Variants in IGFBP5 observed in about 807,000 individuals in gnomAD.
IGFBP5 encodes insulin like growth factor binding protein 5.
IGFBP5 carries 12 observed loss-of-function variants against 28.0 expected under a neutral mutation model. The observed-to-expected ratio is 0.43, with a 90% CI of 0.27 to 0.69. The LOEUF is 0.69. Among genes scored for constraint, IGFBP5 ranks in the 30% least tolerant of loss-of-function variants. The pLI, the probability that IGFBP5 is intolerant of heterozygous loss-of-function variation, is 0.20. For synonymous variants in IGFBP5, 152 were observed against 150.2 expected, an observed-to-expected ratio of 1.01 and a Z score of -0.09; for missense variants, 344 against 381.6, an observed-to-expected ratio of 0.90 and a Z score of 0.82.
chr2:216,691,960 A>G lies in IGFBP5; in HGVS notation c.337+2479T>C, dbSNP rs111705753. ...CGGGGGTGGGGGAGAGGAGGGAGGT[A>G]GGAGGTGTGTTGGGAAGCAGGAATT... On this transcript the variant is annotated intron_variant, in intron 1 of 3. Coordinates refer to ENST00000233813, the MANE Select transcript of IGFBP5 (RefSeq NM_000599.4). Among the ~76,000 whole-genome samples, 226 of 148,224 alleles carry G rather than the reference A, an allele frequency of 1.5e-3. 1 individual carries two copies. The highest frequency in any genetic ancestry group is 5.2e-3 in the African/African-American group (210 of 40,026).
At chr2:216,676,954 T>C (rs1688908297) in intron 3 of IGFBP5, 72 bp from the exon 4 acceptor site, 1 of 1,544,218 alleles carries the variant, frequency 6.5e-7, no homozygotes, top group South Asian at 1.2e-5. Flanking sequence ...GCCCTGCCTC[T>C]TGTCTACCCC....
chr2:216,679,292 G>A lies in IGFBP5; in HGVS notation c.338-213C>T, dbSNP rs1312047088. The stretch of plus-strand genomic sequence containing the variant: ...GCAGGAAGTTTCTGGCATGCTTGGA[G>A]TCAAGCAGAGAGTGCAGGCAGGGAG... On this transcript the variant is annotated intron_variant, in intron 1 of 3. Coordinates refer to ENST00000233813, the MANE Select transcript of IGFBP5 (RefSeq NM_000599.4). This position sits in a 1 kb window ranked among gnomAD's most constrained non-coding sequence, Gnocchi z 4.6. 1.7e-5 allele frequency: 10 copies of A among 604,626 alleles called. No homozygotes were observed. The highest frequency in any genetic ancestry group is 2.9e-4 in the Middle Eastern group (1 of 3,410). 37.5% of individuals were successfully genotyped at this position (604,626 alleles called of 1,614,324 possible). A position where few individuals can be genotyped will look rare whatever the true frequency, so the allele number is the denominator to read the frequency against.
At chr2:216,681,166 G>A (rs1201422264) in intron 1 of IGFBP5, among the ~76,000 whole-genome samples, 1 of 152,284 alleles carries the variant, frequency 6.6e-6, no homozygotes, top group Non-Finnish European at 1.5e-5. Flanking sequence ...AGTAGGGAGA[G>A]GGAGTGCTAA....
intron 1 of IGFBP5, among the ~76,000 whole-genome samples, chr2:216,687,924 A>G (rs1177873462): frequency 6.6e-6 from 1 of 152,164 alleles, no homozygotes; most frequent in Non-Finnish European, 1.5e-5. Context: ...TAGGGACCAA[A>G]CAAGGGAGCC....
chr2:216,694,771 A>C lies in IGFBP5; in HGVS notation c.5T>G (p.Val2Gly). Reference protein sequence around the residue: MVLLTAVLLLLA... With the variant: MGLLTAVLLLLA... Reference sequence around the variant, plus strand: ...CAGCAGGAGGACCGCGGTGAGCAACACCATCTTCTCTTAGTCGCCCCCTTT... The same window carrying C: ...CAGCAGGAGGACCGCGGTGAGCAACCCCATCTTCTCTTAGTCGCCCCCTTT... The change falls in exon 1 of 4, where the codon GTG becomes GGG. Residue 2 changes from valine (V) to glycine (G), a missense_variant. Coordinates refer to ENST00000233813, the MANE Select transcript of IGFBP5 (RefSeq NM_000599.4). This position sits in a 1 kb window ranked among gnomAD's most constrained non-coding sequence, Gnocchi z 5.2. 2 of 1,409,810 alleles carry C rather than the reference A, an allele frequency of 1.4e-6. No individual in the cohort carries two copies. The highest frequency in any genetic ancestry group is 1.8e-6 in the Non-Finnish European group (2 of 1,085,572). The allele number at this position is 1,409,810 out of a possible 1,614,324, so 87.3% of individuals were successfully genotyped here. A position where few individuals can be genotyped will look rare whatever the true frequency, so the allele number is the denominator to read the frequency against.
chr2:216,692,480 A>T lies in IGFBP5; in HGVS notation c.337+1959T>A, dbSNP rs989918034. ...ACACCCTTCACACTAGCCACATCACACTACACGCTTGGTAAATAATAAGTG... is the reference window on the plus strand; with the variant it reads ...ACACCCTTCACACTAGCCACATCACTCTACACGCTTGGTAAATAATAAGTG... On this transcript the variant is annotated intron_variant, in intron 1 of 3. Coordinates refer to ENST00000233813, the MANE Select transcript of IGFBP5 (RefSeq NM_000599.4). This position sits in a 1 kb window ranked among gnomAD's most constrained non-coding sequence, Gnocchi z 4.2. Among the ~76,000 whole-genome samples, 48 of 152,110 alleles carry T rather than the reference A, an allele frequency of 3.2e-4. 1 individual carries two copies. Among genetic ancestry groups the T allele is most frequent in the Admixed American group, 9.2e-4 (14 of 15,292 alleles).
chr2:216,676,930 C>T (rs745566301), intron 3 of IGFBP5, 48 bp from the exon 4 acceptor site: 5 of 1,600,882 alleles, frequency 3.1e-6, no homozygotes, highest in South Asian at 2.3e-5. Context: ...CACCCCAGGG[C>T]TCTGCTCCTC....
intron 1 of IGFBP5, among the ~76,000 whole-genome samples, chr2:216,691,497 T>A (rs1483937713): frequency 2.6e-5 from 4 of 152,142 alleles, no homozygotes; most frequent in Admixed American, 2.6e-4. Context: ...CTCCCGTCTT[T>A]CATCTCCCTC....
chr2:216,678,264 G>C (rs527678439), intron 2 of IGFBP5, 33 bp from the exon 3 acceptor site: 2 of 1,487,656 alleles, frequency 1.3e-6, no homozygotes, highest in African/African-American at 2.8e-5. Context: ...GGCGTGGCGA[G>C]ACCAAGGGAA....
At chr2:216,684,648 T>C (rs1422360712) in intron 1 of IGFBP5, among the ~76,000 whole-genome samples, 2 of 152,226 alleles carry the variant, frequency 1.3e-5, no homozygotes, top group African/African-American at 4.8e-5. Flanking sequence ...TAGTCCCCCC[T>C]GTGGAATTTA....
rs531396787 is a variant in IGFBP5 at position 216,683,754 on chromosome 2, C to A, written c.338-4675G>T. Reference sequence around the variant, plus strand: ...GGGATCTATGGAGGCCAGACCTTACCTTCATAACCCTATTCAATGACTAAG... The same window carrying A: ...GGGATCTATGGAGGCCAGACCTTACATTCATAACCCTATTCAATGACTAAG... On this transcript the variant is annotated intron_variant, in intron 1 of 3. Transcript: ENST00000233813. Among the ~76,000 whole-genome samples, 47 of 152,300 alleles carry A rather than the reference C, an allele frequency of 3.1e-4. 1 individual carries two copies. The South Asian group carries it at 9.7e-3, about 32-fold the overall frequency.
chr2:216,682,686 A>G (rs1214222224), intron 1 of IGFBP5, among the ~76,000 whole-genome samples: 3 of 151,558 alleles, frequency 2.0e-5, no homozygotes, highest in African/African-American at 4.8e-5. Flanking sequence ...CAGCATGGGC[A>G]CACTTCTAGG....
At chr2:216,690,882 G>C (rs1689087052) in intron 1 of IGFBP5, among the ~76,000 whole-genome samples, 1 of 137,926 alleles carries the variant, frequency 7.3e-6, no homozygotes, top group South Asian at 2.8e-4. Flanking sequence ...GTGGGGGAGG[G>C]GGGGCGGGGT....
At position 216,692,180 on chromosome 2, in the gene IGFBP5, G is replaced by A. The variant is rs559854012; in HGVS notation, c.337+2259C>T. The stretch of plus-strand genomic sequence containing the variant: ...TCGGCACCAGCAGCGGTGGAGCGCC[G>A]CCAACCCGCAACAGCAGCCGGCCGG... On this transcript the variant is annotated intron_variant, in intron 1 of 3. Coordinates refer to ENST00000233813, the MANE Select transcript of IGFBP5 (RefSeq NM_000599.4). The surrounding 1 kb of genome is among the most constrained non-coding windows in gnomAD (Gnocchi z 4.2). 2.6e-5 allele frequency among the ~76,000 whole-genome samples: 4 copies of A among 152,052 alleles called. No homozygotes were observed. The highest frequency in any genetic ancestry group is 6.5e-5 in the Admixed American group (1 of 15,270).
rs11575149 is a variant in IGFBP5 at position 216,687,512 on chromosome 2, C to G, written c.337+6927G>C. Among the ~76,000 whole-genome samples, 1,399 of 152,260 alleles carry G rather than the reference C, an allele frequency of 9.2e-3. 22 individuals are homozygous for G. Among genetic ancestry groups the G allele is most frequent in the African/African-American group, 0.032 (1,316 of 41,540 alleles). ...GCCAAACTAGGATTTGGGGTTGTGA[C>G]TCTGGTTCACATTTCTTGGTCCCTG... On this transcript the variant is annotated intron_variant, in intron 1 of 3. Transcript: ENST00000233813.
chr2:216,678,064 G>A lies in IGFBP5; in HGVS notation c.687+48C>T, dbSNP rs202150885. On this transcript the variant is annotated intron_variant, in intron 3 of 3. Coordinates refer to ENST00000233813, the MANE Select transcript of IGFBP5 (RefSeq NM_000599.4). ...CCCAAGGTGGAGTTTCCTGGCAGGTGCCATTTTTGGAGCAGTCTGAGCCTG... is the reference window on the plus strand; with the variant it reads ...CCCAAGGTGGAGTTTCCTGGCAGGTACCATTTTTGGAGCAGTCTGAGCCTG... 106 of 1,365,724 alleles carry A rather than the reference G, an allele frequency of 7.8e-5. No individual in the cohort carries two copies. Among genetic ancestry groups the A allele is most frequent in the Admixed American group, 5.7e-5 (2 of 35,178 alleles). 84.6% of individuals were successfully genotyped at this position (1,365,724 alleles called of 1,614,324 possible).
At position 216,676,863 on chromosome 2, in the gene IGFBP5, C is replaced by A; in HGVS notation, c.707G>T (p.Arg236Leu). The A allele has an allele frequency of 1.9e-6, 3 of 1,613,956 alleles. No individual in the cohort carries two copies. The highest frequency in any genetic ancestry group is 1.1e-5 in the South Asian group (1 of 91,058). The change falls in exon 4 of 4, where the codon CGC (arginine) becomes CTC (leucine). Residue 236 changes from arginine to leucine, a missense_variant. Around this residue, in one of 3 missense-constraint regions of IGFBP5, gnomAD observed 304 missense variants for 329.2 expected, o/e 0.92. Coordinates refer to ENST00000233813, the MANE Select transcript of IGFBP5 (RefSeq NM_000599.4). ...CACGCACCAGCAGATGCCACGTTTGCGGCCACGGGAAGGTTTGCACTGGGG... is the reference window on the plus strand; with the variant it reads ...CACGCACCAGCAGATGCCACGTTTGAGGCCACGGGAAGGTTTGCACTGGGG... ...KRKQCKPSRG[R>L]KRGICWCVDK... is the part of the protein sequence containing the mutation.
At chr2:216,693,698 C>T (rs903719027) in intron 1 of IGFBP5, among the ~76,000 whole-genome samples, 1 of 152,094 alleles carries the variant, frequency 6.6e-6, no homozygotes, top group African/African-American at 2.4e-5. Flanking sequence ...ACCCCGCACC[C>T]CCGCACTCCT....
rs999192285 is a variant in IGFBP5, at chr2:216,676,456, C to T, written c.*295G>A. On this transcript the variant is annotated 3_prime_UTR_variant, in exon 4 of 4. Coordinates refer to ENST00000233813, the MANE Select transcript of IGFBP5 (RefSeq NM_000599.4). ...CTCTTCTACACAAACACTTCCTTCC[C>T]TTCTCTTCCTCTCGTTCTTCCTCTC... The T allele has an allele frequency of 1.2e-4, 27 of 227,698 alleles. No individual in the cohort carries two copies. The highest frequency in any genetic ancestry group is 1.7e-4 in the Non-Finnish European group (19 of 115,092). The allele number at this position is 227,698 out of a possible 1,614,324, so 14.1% of individuals were successfully genotyped here. A position where few individuals can be genotyped will look rare whatever the true frequency, so the allele number is the denominator to read the frequency against.
Sources: gnomAD v4.1 joint callset for allele counts (sites outside exome capture counted in the v4.1 genomes callset) on GRCh38, gnomAD v4.1.1 for gene constraint, gnomAD v4.1.1 regional missense constraint, Gnocchi (gnomAD v3.1) non-coding constraint, MANE v1.5 for transcripts, NCBI Gene and HGNC (gene_info 2026-07-23, HGNC 2026-07-21) for gene names.